ATXN7: variants seen among roughly 807,000 people sequenced by gnomAD.
ATXN7 encodes the protein ataxin 7.
In ATXN7, 12 loss-of-function variants were observed where a neutral mutation model predicts 70.5. The observed-to-expected ratio is 0.17, with a 90% confidence interval of 0.11 to 0.28. ATXN7 has a LOEUF of 0.28. ATXN7 is among the 10% of genes least tolerant of loss of function. ATXN7 has a pLI of 1.00. For missense variants in ATXN7, 1,256 were observed against 1,131.7 expected, an observed-to-expected ratio of 1.11 and a Z score of -1.58; for synonymous variants, 498 against 448.7, an observed-to-expected ratio of 1.11 and a Z score of -1.39.
chr3:63,899,398 T>C (rs1347000062), intron 2 of ATXN7, among the ~76,000 whole-genome samples: 1 of 152,136 alleles, frequency 6.6e-6, no homozygotes, highest in African/African-American at 2.4e-5. Context: ...TCCACCATTG[T>C]ACATTTACTG....
At chr3:63,946,516 G>A (rs1217193694) in intron 4 of ATXN7, among the ~76,000 whole-genome samples, 2 of 151,992 alleles carry the variant, frequency 1.3e-5, no homozygotes, top group Non-Finnish European at 2.9e-5. Context: ...GGTAGTGGGC[G>A]CCTGTAGTCC....
intron 11 of ATXN7, among the ~76,000 whole-genome samples, chr3:63,994,175 T>A (rs2075719077): frequency 6.6e-6 from 1 of 152,182 alleles, no homozygotes; most frequent in Non-Finnish European, 1.5e-5. Context: ...CAGCTGGAGT[T>A]GAGAAGCACT....
chr3:63,980,571 A>AT (rs1217495405), intron 6 of ATXN7: 3 of 195,714 alleles, frequency 1.5e-5, no homozygotes, highest in African/African-American at 6.9e-5. Flanking sequence ...TTTGTGTCCC[A>AT]TTTCTGTCAC....
intron 4 of ATXN7, among the ~76,000 whole-genome samples, chr3:63,920,570 T>C (rs547558052): frequency 1.3e-5 from 2 of 152,314 alleles, no homozygotes; most frequent in East Asian, 1.9e-4. Context: ...CTAGAAATAC[T>C]GACCTTTACC....
chr3:63,913,732 C>T (rs1704151736), intron 4 of ATXN7, among the ~76,000 whole-genome samples: 1 of 152,192 alleles, frequency 6.6e-6, no homozygotes, highest in Admixed American at 6.5e-5. Context: ...AGATTTTTTG[C>T]GAGCTGCCAA....
chr3:63,878,417 C>G (rs1386378613), intron 1 of ATXN7: 1 of 152,216 alleles, frequency 6.6e-6, no homozygotes. Flanking sequence ...TCAGTATTCT[C>G]CTGCACTGAC....
intron 4 of ATXN7, among the ~76,000 whole-genome samples, chr3:63,937,067 A>G (rs988457334): frequency 5.9e-5 from 9 of 152,186 alleles, no homozygotes; most frequent in African/African-American, 1.9e-4. Flanking sequence ...TAGTGTAATT[A>G]TTTTTGCTGT....
rs866637540 is a variant in ATXN7 at position 63,912,690 on chromosome 3, A to C, written c.92A>C (p.Gln31Pro). ...GGAAAAAARQQQQQQQQQQPP... is the reference protein window; with the variant it reads ...GGAAAAAARQPQQQQQQQQPP... The stretch of plus-strand genomic sequence containing the variant: ...GCAGCGGCCGCGGCCGCCCGGCAGC[A>C]GCAGCAGCAGCAGCAGCAGCAGCAG... Residue 31 changes from glutamine (Q) to proline (P), a missense_variant, in exon 3 of 13, where the codon CAG becomes CCG. Transcript: ENST00000674280. The C allele has an allele frequency of 9.1e-7, 1 of 1,104,380 alleles. No individual in the cohort carries two copies. The highest frequency in any genetic ancestry group is 1.1e-6 in the Non-Finnish European group (1 of 899,686). The allele number at this position is 1,104,380 out of a possible 1,614,324, so 68.4% of individuals were successfully genotyped here.
chr3:63,888,137 G>A (rs1479525884), intron 1 of ATXN7, among the ~76,000 whole-genome samples: 1 of 152,066 alleles, frequency 6.6e-6, no homozygotes, highest in East Asian at 1.9e-4. Context: ...TGTACAAAAT[G>A]GAAAGTCAGA....
intron 11 of ATXN7, among the ~76,000 whole-genome samples, chr3:63,991,510 C>T (rs1377067924): frequency 1.3e-5 from 2 of 152,090 alleles, no homozygotes; most frequent in Non-Finnish European, 2.9e-5. Flanking sequence ...ACAGCAGTCA[C>T]TGGGACAGTA....
At chr3:63,888,305 CAG>C (rs1248727965) in intron 1 of ATXN7, among the ~76,000 whole-genome samples, 4 of 151,956 alleles carry the variant, frequency 2.6e-5, no homozygotes, top group Non-Finnish European at 5.9e-5. Flanking sequence ...AAAGATGGTC[CAG>C]AGAGGTCTCG....
At chr3:63,908,718 A>G (rs537386816) in intron 2 of ATXN7, among the ~76,000 whole-genome samples, 1 of 152,336 alleles carries the variant, frequency 6.6e-6, no homozygotes, top group South Asian at 2.1e-4. Context: ...AATGTAGGAA[A>G]GGTCAACTTT....
At chr3:63,923,545 A>G (rs1480629512) in intron 4 of ATXN7, among the ~76,000 whole-genome samples, 1 of 152,186 alleles carries the variant, frequency 6.6e-6, no homozygotes, top group Non-Finnish European at 1.5e-5. Flanking sequence ...GGTGGCTCAC[A>G]CTTGTAATCC....
chr3:63,866,502 C>G (rs971321554), intron 1 of ATXN7, among the ~76,000 whole-genome samples: 1 of 152,128 alleles, frequency 6.6e-6, no homozygotes, highest in African/African-American at 2.4e-5. Flanking sequence ...GCGATCCTCC[C>G]GCCTCAGCCT....
At chr3:63,917,450 C>A (rs1326257124) in intron 4 of ATXN7, among the ~76,000 whole-genome samples, 1 of 150,760 alleles carries the variant, frequency 6.6e-6, no homozygotes, top group Admixed American at 6.6e-5. Flanking sequence ...ATTTAGAGAC[C>A]CTTAAAAAAT....
At position 63,902,980 on chromosome 3, in the gene ATXN7, G is replaced by A. The variant is rs1211747114; in HGVS notation, c.-12+4483G>A. 2.6e-5 allele frequency among the ~76,000 whole-genome samples: 4 copies of A among 151,954 alleles called. No homozygotes were observed. In the South Asian group the frequency reaches 8.3e-4, roughly 32 times the overall value. ...GTTCCTTTAAGTTTAAAGAATTAAA[G>A]CATCTTTAATTCTTTAACTCCTTGC... On this transcript the variant is annotated intron_variant, in intron 2 of 12. Coordinates refer to ENST00000674280, the MANE Select transcript of ATXN7 (RefSeq NM_001377405.1).
At chr3:63,915,247 T>C (rs573393342) in intron 4 of ATXN7, among the ~76,000 whole-genome samples, 280 of 152,314 alleles carry the variant, frequency 1.8e-3, no homozygotes, top group Middle Eastern at 6.8e-3. Flanking sequence ...TTAGTGTTTT[T>C]TAAGGGTTCC....
intron 11 of ATXN7, 52 bp from the exon 12 acceptor site, chr3:63,995,453 C>T: frequency 6.3e-7 from 1 of 1,595,302 alleles, no homozygotes; most frequent in Non-Finnish European, 8.6e-7. Flanking sequence ...ATCTGAAAGT[C>T]TCTGTGAATG....
intron 12 of ATXN7, among the ~76,000 whole-genome samples, chr3:63,997,437 C>G (rs977814781): frequency 6.6e-6 from 1 of 152,138 alleles, no homozygotes; most frequent in Non-Finnish European, 1.5e-5. Flanking sequence ...CATATGAACC[C>G]ATCAGTAGAG....
Sources: allele counts gnomAD v4.1 joint callset (sites outside exome capture counted in the v4.1 genomes callset), GRCh38; gene constraint gnomAD v4.1.1; transcripts MANE v1.5; gene names NCBI Gene and HGNC (gene_info 2026-07-23, HGNC 2026-07-21).